Variants in PRKAR2A observed in about 807,000 individuals in gnomAD.
The protein encoded by PRKAR2A is cAMP-dependent protein kinase type II-alpha regulatory subunit.
PRKAR2A carries 29 observed loss-of-function variants against 51.9 expected under a neutral mutation model. That is an observed-to-expected ratio of 0.56 (90% CI 0.42 to 0.76). PRKAR2A has a LOEUF of 0.76. Ranked by LOEUF, PRKAR2A falls within the 30% of genes least tolerant of loss-of-function variation. The probability of loss-of-function intolerance (pLI) is 0.00; values close to 1 mark genes in which losing one functional copy is unlikely to be tolerated. For missense variants in PRKAR2A, 445 were observed against 512.1 expected (o/e 0.87, Z 1.26); for synonymous variants, 178 against 186.2 (o/e 0.96, Z 0.36).
intron 2 of PRKAR2A, among the ~76,000 whole-genome samples, chr3:48,799,341 A>C (rs2082547833): frequency 6.6e-6 from 1 of 152,178 alleles, no homozygotes; most frequent in Non-Finnish European, 1.5e-5. Context: ...TCACTTTAGA[A>C]GGACATCAGT....
rs2083478064 is a variant in PRKAR2A at position 48,847,192 on chromosome 3, G to A, written c.262+143C>T. On this transcript the variant is annotated intron_variant, in intron 1 of 10. Coordinates refer to ENST00000265563, the MANE Select transcript of PRKAR2A (RefSeq NM_004157.4). The surrounding 1 kb of genome is among the most constrained non-coding windows in gnomAD (Gnocchi z 4.4). ...ACGCGGGCTCACGCCGGTGTCTCAG[G>A]GAAACGCTAGAAACGCGGCTACAGA... 3 of 1,093,116 alleles carry A rather than the reference G, an allele frequency of 2.7e-6. No individual in the cohort carries two copies. In the Admixed American group the frequency reaches 9.0e-5, roughly 33 times the overall value. 67.7% of individuals were successfully genotyped at this position (1,093,116 alleles called of 1,614,324 possible). A position where few individuals can be genotyped will look rare whatever the true frequency, so the allele number is the denominator to read the frequency against.
chr3:48,822,773 G>A (rs893065401), intron 1 of PRKAR2A, among the ~76,000 whole-genome samples: 5 of 84,426 alleles, frequency 5.9e-5, no homozygotes, highest in African/African-American at 1.7e-4. Flanking sequence ...TGTTGCCCAG[G>A]CTGGAGTGTG....
At chr3:48,802,862 G>T (rs939112029) in intron 2 of PRKAR2A, among the ~76,000 whole-genome samples, 3 of 152,220 alleles carry the variant, frequency 2.0e-5, no homozygotes, top group Admixed American at 6.6e-5. Context: ...TTTGCTGAAA[G>T]AATTGAGTTA....
In PRKAR2A at chr3:48,847,258, A is replaced by T. The variant is rs987966138; in HGVS notation, c.262+77T>A. On this transcript the variant is annotated intron_variant, in intron 1 of 10. Coordinates refer to ENST00000265563, the MANE Select transcript of PRKAR2A (RefSeq NM_004157.4). The surrounding 1 kb of genome is among the most constrained non-coding windows in gnomAD (Gnocchi z 4.4). ...CTGCGGTCGGCTTGGCTGCGGCGCG[A>T]CACCTGGCTCCCTGCCACCCCTCTA... is the stretch of plus-strand genomic sequence containing the variant. 2 of 1,520,006 alleles carry T rather than the reference A, an allele frequency of 1.3e-6. No homozygotes were observed. Among genetic ancestry groups the T allele is most frequent in the African/African-American group, 2.8e-5 (2 of 70,870 alleles). 94.2% of individuals were successfully genotyped at this position (1,520,006 alleles called of 1,614,324 possible).
chr3:48,801,470 G>T (rs888887739), intron 2 of PRKAR2A, among the ~76,000 whole-genome samples: 1 of 152,114 alleles, frequency 6.6e-6, no homozygotes, highest in Non-Finnish European at 1.5e-5. Flanking sequence ...TGTATTTTTA[G>T]TAGAGACAGG....
intron 6 of PRKAR2A, among the ~76,000 whole-genome samples, chr3:48,769,244 G>A (rs538975525): frequency 1.4e-5 from 2 of 140,236 alleles, no homozygotes; most frequent in South Asian, 2.4e-4. Context: ...TGCAAGCTCC[G>A]CCTCCCTGGT....
intron 2 of PRKAR2A, among the ~76,000 whole-genome samples, chr3:48,801,248 G>A (rs2082585549): frequency 6.6e-6 from 1 of 152,146 alleles, no homozygotes; most frequent in African/African-American, 2.4e-5. Flanking sequence ...TGCCTCCCAG[G>A]TTCAAGTGAT....
intron 6 of PRKAR2A, among the ~76,000 whole-genome samples, chr3:48,767,777 AGCTGGGCATGGCGGC>A (rs1290851741): frequency 7.6e-4 from 116 of 151,938 alleles, no homozygotes; most frequent in African/African-American, 2.7e-3. Flanking sequence ...ACAAAAAATT[AGCTGGGCATGGCGGC>A]ACGCGCCTGC....
chr3:48,805,385 G>T lies in PRKAR2A; in HGVS notation c.298+2264C>A, dbSNP rs192966391. Among the ~76,000 whole-genome samples the T allele has an allele frequency of 6.2e-3, 937 of 152,322 alleles. 18 individuals carry two copies. Among genetic ancestry groups the T allele is most frequent in the Non-Finnish European group, 4.0e-3 (274 of 68,032 alleles). On this transcript the variant is annotated intron_variant, in intron 2 of 10. Coordinates refer to ENST00000265563, the MANE Select transcript of PRKAR2A (RefSeq NM_004157.4). Reference sequence around the variant, plus strand: ...CAGGGCAAGCCAAGCTTCAGCTACAGCTGGAAAGTGAAAGCTGCACTGAGA... The same window carrying T: ...CAGGGCAAGCCAAGCTTCAGCTACATCTGGAAAGTGAAAGCTGCACTGAGA...
chr3:48,825,951 G>GC (rs1462854109), intron 1 of PRKAR2A, among the ~76,000 whole-genome samples: 1 of 152,128 alleles, frequency 6.6e-6, no homozygotes, highest in African/African-American at 2.4e-5. Context: ...GGGATCCCAG[G>GC]CCACCTGTAC....
rs754252050 is a variant in PRKAR2A at position 48,751,710 on chromosome 3, C to T, written c.1090G>A (p.Val364Ile). The T allele has an allele frequency of 1.9e-6, 3 of 1,611,784 alleles. No homozygotes were observed. Among genetic ancestry groups the T allele is most frequent in the South Asian group, 1.1e-5 (1 of 91,008 alleles). ...CCCAGAAGCCTCTCGAATGCTTGTACATCCATAACTGCATTGTTAAAAAGA... is the reference window on the plus strand; with the variant it reads ...CCCAGAAGCCTCTCGAATGCTTGTATATCCATAACTGCATTGTTAAAAAGA... ...VGDVKCLVMDVQAFERLLGPC... is the reference protein window; with the variant it reads ...VGDVKCLVMDIQAFERLLGPC... Residue 364 changes from valine to isoleucine, a missense_variant, in exon 11 of 11, where the codon GTA becomes ATA. Val to Ile is a conservative substitution (Grantham distance 29, BLOSUM62 3). Coordinates refer to ENST00000265563, the MANE Select transcript of PRKAR2A (RefSeq NM_004157.4).
chr3:48,753,915 T>TA (rs2081708987), intron 9 of PRKAR2A, among the ~76,000 whole-genome samples: 1 of 151,188 alleles, frequency 6.6e-6, no homozygotes. Flanking sequence ...TTTTTTTTTT[T>TA]TGAGCAGAGT....
At chr3:48,778,765 G>A (rs1009806687) in intron 5 of PRKAR2A, among the ~76,000 whole-genome samples, 4 of 150,054 alleles carry the variant, frequency 2.7e-5, no homozygotes, top group Non-Finnish European at 4.4e-5. Context: ...TGACCTGCCC[G>A]CCTCAGCCTC....
rs1269657522 is a variant in PRKAR2A at position 48,751,343 on chromosome 3, T to G, written c.*242A>C. ...TGAACCAAAGATATAAAAACTGGGT[T>G]GGAGTAATCTTTACAAGTGGTCTAA... On this transcript the variant is annotated 3_prime_UTR_variant, in exon 11 of 11. Transcript: ENST00000265563. 1 of 658,326 alleles carries G rather than the reference T, an allele frequency of 1.5e-6. No individual in the cohort carries two copies. Among genetic ancestry groups the G allele is most frequent in the East Asian group, 3.0e-5 (1 of 32,856 alleles). 40.8% of individuals were successfully genotyped at this position (658,326 alleles called of 1,614,324 possible). A position where few individuals can be genotyped will look rare whatever the true frequency, so the allele number is the denominator to read the frequency against.
At chr3:48,797,397 G>A (rs1405725281) in intron 2 of PRKAR2A, among the ~76,000 whole-genome samples, 2 of 152,048 alleles carry the variant, frequency 1.3e-5, no homozygotes, top group Non-Finnish European at 2.9e-5. Context: ...TTGAACTCCT[G>A]ACCTCAAGTG....
chr3:48,782,794 T>C (rs2082222219), intron 5 of PRKAR2A, among the ~76,000 whole-genome samples, 192 bp downstream of exon 5: 1 of 152,146 alleles, frequency 6.6e-6, no homozygotes, highest in Non-Finnish European at 1.5e-5. Context: ...GCTCTTCAAA[T>C]ATGAGTTGTG....
At chr3:48,826,825 T>C (rs532767775) in intron 1 of PRKAR2A, among the ~76,000 whole-genome samples, 2 of 151,298 alleles carry the variant, frequency 1.3e-5, no homozygotes, top group South Asian at 2.1e-4. Context: ...TTCTTTATTA[T>C]ACACCAAAAA....
intron 1 of PRKAR2A, among the ~76,000 whole-genome samples, chr3:48,824,177 GT>G (rs2083018619): frequency 1.3e-5 from 2 of 152,158 alleles, no homozygotes; most frequent in African/African-American, 4.8e-5. Flanking sequence ...GGAGAAGGCG[GT>G]TGCAGTGAGC....
intron 4 of PRKAR2A, among the ~76,000 whole-genome samples, chr3:48,788,321 G>A (rs1050333245): frequency 6.6e-6 from 1 of 152,060 alleles, no homozygotes; most frequent in African/African-American, 2.4e-5. Context: ...GAGCCACCGT[G>A]CCCTGCCAAA....
Sources: gnomAD v4.1 joint callset for allele counts (sites outside exome capture counted in the v4.1 genomes callset) on GRCh38, gnomAD v4.1.1 for gene constraint, Gnocchi (gnomAD v3.1) non-coding constraint, MANE v1.5 for transcripts, NCBI Gene and HGNC (gene_info 2026-07-23, HGNC 2026-07-21) for gene names.